The following ARMC8 variants were observed in gnomAD, a reference collection of about 807,000 sequenced individuals.
ARMC8 encodes armadillo repeat containing 8, also known as armadillo repeat-containing protein 8.
ARMC8 carries 20 observed loss-of-function variants against 99.3 expected under a neutral mutation model. The observed-to-expected ratio is 0.20, with a 90% CI of 0.14 to 0.29. The LOEUF (loss-of-function observed/expected upper bound fraction) is 0.29. Among genes scored for constraint, ARMC8 ranks in the 10% least tolerant of loss-of-function variants. The pLI is 1.00. For synonymous variants in ARMC8, 263 were observed against 278.3 expected (o/e 0.95, Z 0.55); for missense variants, 569 against 809.5 (o/e 0.70, Z 3.60).
intron 19 of ARMC8, 166 bp from the exon 20 acceptor site, chr3:138,288,882 C>T (rs2108378696): frequency 3.6e-6 from 2 of 562,572 alleles, no homozygotes; most frequent in Non-Finnish European, 6.4e-6. Flanking sequence ...GATCTTCCAC[C>T]TGCCTTGGTC....
chr3:138,204,008 C>T (rs1282350819), intron 1 of ARMC8, among the ~76,000 whole-genome samples: 2 of 152,176 alleles, frequency 1.3e-5, no homozygotes, highest in Non-Finnish European at 2.9e-5. Context: ...CATTCAGTGT[C>T]TTATTCCTTC....
intron 21 of ARMC8, among the ~76,000 whole-genome samples, chr3:138,295,034 G>T (rs1023926351): frequency 6.6e-6 from 1 of 151,974 alleles, no homozygotes; most frequent in African/African-American, 2.4e-5. Context: ...AAGTGGTTGG[G>T]ATTACAGGTG....
intron 18 of ARMC8, among the ~76,000 whole-genome samples, chr3:138,274,985 A>G (rs973712111): frequency 6.6e-6 from 1 of 152,158 alleles, no homozygotes; most frequent in Non-Finnish European, 1.5e-5. Context: ...TCTCTTAGGC[A>G]TCTTATTCCT....
At chr3:138,280,828 A>G (rs1370826567) in intron 18 of ARMC8, among the ~76,000 whole-genome samples, 1 of 151,838 alleles carries the variant, frequency 6.6e-6, no homozygotes, top group African/African-American at 2.4e-5. Context: ...GGGTTTTGCC[A>G]TGTTGGCCAG....
chr3:138,229,169 T>TATATATATATAC lies in ARMC8; in HGVS notation c.528+170_528+171insCATATATATATA, dbSNP rs1356918255. The TATATATATATAC allele has an allele frequency of 2.1e-3, 102 of 48,892 alleles. 2 individuals carry two copies. The highest frequency in any genetic ancestry group is 6.4e-3 in the African/African-American group (98 of 15,370). The allele number at this position is 48,892 out of a possible 1,614,324, so 3.0% of individuals were successfully genotyped here. ...ATATATATATATATATATATATATA[T>TATATATATATAC]ATATATATATATATGTATATGTATA... is the stretch of plus-strand genomic sequence containing the variant. On this transcript the variant is annotated intron_variant, in intron 6 of 21. Coordinates refer to ENST00000469044, the MANE Select transcript of ARMC8 (RefSeq NM_001363941.2).
At chr3:138,221,320 CAA>C (rs1410436947) in intron 2 of ARMC8, among the ~76,000 whole-genome samples, 2 of 151,954 alleles carry the variant, frequency 1.3e-5, no homozygotes, top group East Asian at 3.9e-4. Context: ...AACAGCAGCC[CAA>C]AAAATGAATG....
chr3:138,297,182 A>C lies in ARMC8; in HGVS notation c.*1290A>C, dbSNP rs1560072895. ...ACTAAAATCTTTCCTGCATGAAGCT[A>C]AAAGCACTCAAGTTGAGAGAGGGGC... On this transcript the variant is annotated 3_prime_UTR_variant, in exon 22 of 22. Transcript: ENST00000469044. 6.6e-6 allele frequency: 1 copy of C among 152,250 alleles called. No homozygotes were observed. Among genetic ancestry groups the C allele is most frequent in the Non-Finnish European group, 1.5e-5 (1 of 68,034 alleles). The allele number at this position is 152,250 out of a possible 1,614,324, so 9.4% of individuals were successfully genotyped here.
intron 7 of ARMC8, among the ~76,000 whole-genome samples, chr3:138,236,735 T>TA (rs773236078): frequency 0.032 from 4,399 of 139,456 alleles, 92 homozygotes; most frequent in African/African-American, 0.059. Context: ...TGGAAAGAAT[T>TA]AAAAAAAAAA....
intron 1 of ARMC8, among the ~76,000 whole-genome samples, chr3:138,192,965 A>G (rs1015207088): frequency 7.2e-5 from 11 of 151,760 alleles, no homozygotes; most frequent in African/African-American, 2.4e-4. Flanking sequence ...TATAGGTTTT[A>G]TTTTTATTTT....
chr3:138,278,933 C>T (rs559615315), intron 18 of ARMC8, among the ~76,000 whole-genome samples: 5 of 152,120 alleles, frequency 3.3e-5, no homozygotes, highest in South Asian at 2.1e-4. Context: ...AGTTATTTTG[C>T]GTGAATTACT....
At chr3:138,191,650 C>T (rs1449394482) in intron 1 of ARMC8, among the ~76,000 whole-genome samples, 2 of 152,180 alleles carry the variant, frequency 1.3e-5, no homozygotes, top group Admixed American at 6.5e-5. Context: ...TCCCACCTAC[C>T]CAGCCTCTCC....
rs1325246172 is a variant in ARMC8, at chr3:138,296,105, T to C, written c.*213T>C. The stretch of plus-strand genomic sequence containing the variant: ...CTCAGAAGACTCTTGTGTTTTGTTT[T>C]GGTTTTTTTTTCTGAGCTACTCGGA... On this transcript the variant is annotated 3_prime_UTR_variant, in exon 22 of 22. Coordinates refer to ENST00000469044, the MANE Select transcript of ARMC8 (RefSeq NM_001363941.2). 4.0e-6 allele frequency: 2 copies of C among 502,378 alleles called. No individual in the cohort carries two copies. Among genetic ancestry groups the C allele is most frequent in the Non-Finnish European group, 7.0e-6 (2 of 287,210 alleles). The allele number at this position is 502,378 out of a possible 1,614,324, so 31.1% of individuals were successfully genotyped here.
intron 13 of ARMC8, 154 bp downstream of exon 13, chr3:138,263,975 C>T: frequency 1.1e-6 from 1 of 946,240 alleles, no homozygotes; most frequent in Non-Finnish European, 1.7e-6. Flanking sequence ...TAACAGAGAG[C>T]CTGGCCTCCA....
intron 1 of ARMC8, among the ~76,000 whole-genome samples, chr3:138,196,664 T>C (rs1206077453): frequency 2.0e-5 from 3 of 151,330 alleles, no homozygotes; most frequent in Admixed American, 2.0e-4. Context: ...AGGTCAGGAG[T>C]CTGAGACCAG....
At chr3:138,216,447 G>A (rs994119447) in intron 2 of ARMC8, among the ~76,000 whole-genome samples, 1 of 152,040 alleles carries the variant, frequency 6.6e-6, no homozygotes, top group Non-Finnish European at 1.5e-5. Context: ...TAATGACAGT[G>A]GAATTCATTG....
At chr3:138,188,642 A>G in intron 1 of ARMC8, 2 of 1,385,232 alleles carry the variant, frequency 1.4e-6, no homozygotes, top group Admixed American at 3.4e-5. Flanking sequence ...TAGTTGGATT[A>G]TAAATGACTT....
intron 1 of ARMC8, among the ~76,000 whole-genome samples, chr3:138,194,829 G>A (rs958911855): frequency 1.4e-4 from 22 of 151,988 alleles, no homozygotes; most frequent in African/African-American, 1.9e-4. Flanking sequence ...CTGTGAAGTC[G>A]AACCCACTAT....
chr3:138,281,705 T>C (rs2049945118), intron 18 of ARMC8, among the ~76,000 whole-genome samples: 1 of 152,182 alleles, frequency 6.6e-6, no homozygotes, highest in Admixed American at 6.5e-5. Flanking sequence ...AGCCTGGGGA[T>C]GCATGGGCGT....
At chr3:138,262,615 T>A in intron 12 of ARMC8, 4 of 1,523,340 alleles carry the variant, frequency 2.6e-6, no homozygotes, top group South Asian at 2.4e-5. Context: ...AAAAAAAAAT[T>A]TAGGTGCCTA....
Sources: allele counts gnomAD v4.1 joint callset (sites outside exome capture counted in the v4.1 genomes callset), GRCh38; gene constraint gnomAD v4.1.1; transcripts MANE v1.5; gene names NCBI Gene and HGNC (gene_info 2026-07-23, HGNC 2026-07-21).